Variants in AHCY observed in about 807,000 individuals in gnomAD.
The protein encoded by AHCY is adenosylhomocysteinase.
In AHCY, 24 loss-of-function variants were observed where a neutral mutation model predicts 45.4. That is an observed-to-expected ratio of 0.53 (90% CI 0.38 to 0.74). The LOEUF is 0.74. AHCY is among the 30% of genes least tolerant of loss of function. AHCY has a pLI of 0.00. For missense variants in AHCY, 449 were observed against 594.1 expected, an observed-to-expected ratio of 0.76 and a Z score of 2.54; for synonymous variants, 245 against 235.1, an observed-to-expected ratio of 1.04 and a Z score of -0.39.
chr20:34,250,557 G>T, the AHCY span, among the ~76,000 whole-genome samples: 2 of 152,092 alleles, frequency 1.3e-5, no homozygotes, highest in Non-Finnish European at 2.9e-5. Flanking sequence ...CAGCACTTTG[G>T]GAGGCTGAGG....
chr20:34,235,520 T>C, the AHCY span, among the ~76,000 whole-genome samples: 132 of 152,142 alleles, frequency 8.7e-4, no homozygotes, highest in Non-Finnish European at 1.6e-3. Context: ...ATATGGGATA[T>C]GGAGAAACTT....
chr20:34,249,219 C>T, the AHCY span, among the ~76,000 whole-genome samples: 3 of 152,110 alleles, frequency 2.0e-5, no homozygotes, highest in Non-Finnish European at 4.4e-5. Flanking sequence ...AGAAGTCACA[C>T]AGGGAGCTAG....
chr20:34,267,693 G>C, the AHCY span, among the ~76,000 whole-genome samples: 1 of 151,824 alleles, frequency 6.6e-6, no homozygotes, highest in Non-Finnish European at 1.5e-5. Context: ...CACCATGCTG[G>C]GCTAATTTTT....
chr20:34,244,022 G>A, the AHCY span, among the ~76,000 whole-genome samples: 5 of 152,226 alleles, frequency 3.3e-5, no homozygotes, highest in South Asian at 4.1e-4. Flanking sequence ...CCGAGATTGC[G>A]CCACTGCACT....
At chr20:34,281,229 G>T in intron 9 of AHCY, 64 bp from the exon 10 acceptor site, 1 of 1,602,560 alleles carries the variant, frequency 6.2e-7, no homozygotes. Context: ...CACGCGTCTG[G>T]CTGCCAATAG....
At chr20:34,246,412 A>G in the AHCY span, 1 of 1,369,968 alleles carries the variant, frequency 7.3e-7, no homozygotes, top group Non-Finnish European at 1.0e-6. Flanking sequence ...GCATATATTC[A>G]CAGTACTCTG....
chr20:34,235,840 A>AGAAAGAAGGAAG, the AHCY span, among the ~76,000 whole-genome samples: 1 of 53,754 alleles, frequency 1.9e-5, no homozygotes, highest in African/African-American at 1.9e-4. Flanking sequence ...AAAGAAAGAA[A>AGAAAGAAGGAAG]GAAGGAAGGA....
At chr20:34,250,019 C>T in the AHCY span, 1 of 152,442 alleles carries the variant, frequency 6.6e-6, no homozygotes, top group African/African-American at 2.4e-5. Context: ...CTGCTGAAGT[C>T]TGCAGTTGCT....
the AHCY span, among the ~76,000 whole-genome samples, chr20:34,272,037 A>G: frequency 9.0e-6 from 1 of 111,328 alleles, no homozygotes; most frequent in South Asian, 3.5e-4. Flanking sequence ...AGATTATACA[A>G]CGTGCCTCCA....
Position 34,280,937 on chromosome 20 carries a change from A to G in AHCY, c.*97T>C. ...CCCAGAGAGTCGATGGGGGACACTG[A>G]CAAACCAATCACAAAGTTGGTGCCA... On this transcript the variant is annotated 3_prime_UTR_variant, in exon 10 of 10. Coordinates refer to ENST00000217426, the MANE Select transcript of AHCY (RefSeq NM_000687.4). 1 of 1,566,650 alleles carries G rather than the reference A, an allele frequency of 6.4e-7. No individual in the cohort carries two copies. The highest frequency in any genetic ancestry group is 1.7e-4 in the Middle Eastern group (1 of 5,974).
chr20:34,308,735 C>T (rs2036919391), intron 1 of AHCY, among the ~76,000 whole-genome samples: 1 of 151,110 alleles, frequency 6.6e-6, no homozygotes, highest in Admixed American at 6.6e-5. Context: ...TTCACTGCAA[C>T]CTCCGCCTCC....
rs1222276416 is a variant in AHCY, at chr20:34,290,207, C to T, written c.972+125G>A. On this transcript the variant is annotated intron_variant, in intron 8 of 9. Transcript: ENST00000217426. The surrounding 1 kb of genome is among the most constrained non-coding windows in gnomAD (Gnocchi z 4.5). ...TTGCCACGTCTGGCTGGCTCTGATG[C>T]TAGGCCCTCTTCTCCCCATCCCCCT... The T allele has an allele frequency of 2.1e-6, 2 of 952,958 alleles. No individual in the cohort carries two copies. The highest frequency in any genetic ancestry group is 3.2e-5 in the African/African-American group (2 of 62,456). 59.0% of individuals were successfully genotyped at this position (952,958 alleles called of 1,614,324 possible). A position where few individuals can be genotyped will look rare whatever the true frequency, so the allele number is the denominator to read the frequency against.
intron 1 of AHCY, among the ~76,000 whole-genome samples, chr20:34,300,238 C>T (rs971176239): frequency 2.0e-5 from 3 of 152,160 alleles, no homozygotes; most frequent in African/African-American, 7.2e-5. Context: ...GACACTGCCA[C>T]ACTCTCTTCA....
the AHCY span, among the ~76,000 whole-genome samples, chr20:34,258,700 A>ATATATATATATATACATAC: frequency 1.3e-5 from 1 of 77,918 alleles, no homozygotes; most frequent in Non-Finnish European, 2.4e-5. Context: ...TACATACTAT[A>ATATATATATATATACATAC]TATATATATT....
the AHCY span, among the ~76,000 whole-genome samples, chr20:34,254,408 T>C: frequency 6.6e-6 from 1 of 152,210 alleles, no homozygotes; most frequent in Non-Finnish European, 1.5e-5. Flanking sequence ...GTTTCTCTAA[T>C]GAGTAATAAC....
Position 34,281,020 on chromosome 20 carries a change from C to T in AHCY, c.*14G>A, listed in dbSNP as rs375775958. On this transcript the variant is annotated 3_prime_UTR_variant, in exon 10 of 10. Transcript: ENST00000217426. Reference sequence around the variant, plus strand: ...CAAGGACAGCAGCTGGAGGGTGAAACGCAGACCTGGCTCTCAGTAGCGGTA... The same window carrying T: ...CAAGGACAGCAGCTGGAGGGTGAAATGCAGACCTGGCTCTCAGTAGCGGTA... 192 of 1,613,984 alleles carry T rather than the reference C, an allele frequency of 1.2e-4. No homozygotes were observed. Among genetic ancestry groups the T allele is most frequent in the Admixed American group, 2.3e-4 (14 of 59,998 alleles).
At chr20:34,294,185 G>A in intron 2 of AHCY, 29 bp from the exon 3 acceptor site, 2 of 1,604,022 alleles carry the variant, frequency 1.2e-6, no homozygotes, top group Non-Finnish European at 1.7e-6. Context: ...CAAGGCTGTT[G>A]GTCACTGATG....
At chr20:34,294,283 AG>A (rs2036501282) in intron 2 of AHCY, 127 bp from the exon 3 acceptor site, 1 of 860,392 alleles carries the variant, frequency 1.2e-6, no homozygotes, top group Admixed American at 2.0e-5. Flanking sequence ...AGCAAGCTCT[AG>A]GATCACAGGC....
the AHCY span, chr20:34,269,459 G>A: frequency 4.8e-6 from 2 of 418,796 alleles, no homozygotes; most frequent in Non-Finnish European, 8.4e-6. Flanking sequence ...CCTCACAGCT[G>A]CACTCCCAGT....
Sources: gnomAD v4.1 joint callset for allele counts (sites outside exome capture counted in the v4.1 genomes callset) on GRCh38, gnomAD v4.1.1 for gene constraint, Gnocchi (gnomAD v3.1) non-coding constraint, MANE v1.5 for transcripts, NCBI Gene and HGNC (gene_info 2026-07-23, HGNC 2026-07-21) for gene names.